The following MRAP variants were observed in gnomAD, a reference collection of about 807,000 sequenced individuals.
MRAP encodes the protein melanocortin-2 receptor accessory protein.
Under a neutral mutation model 8.7 loss-of-function variants are expected in MRAP, and 8 were observed. The ratio of observed to expected loss-of-function variants is 0.92; its 90% CI spans 0.54 to 1.66. MRAP has a LOEUF of 1.66. Ranked by LOEUF, MRAP falls within the 40% of genes most tolerant of loss-of-function variation. MRAP has a pLI of 0.00. For missense variants in MRAP, 237 were observed against 217.1 expected (o/e 1.09, Z -0.58); for synonymous variants, 95 against 95.5 (o/e 1.00, Z 0.03).
chr21:32,293,429 T>C (rs7280719), intron 2 of MRAP, among the ~76,000 whole-genome samples: 1,930 of 152,266 alleles, frequency 0.013, 35 homozygotes, highest in African/African-American at 0.042. Context: ...CATAGCACAC[T>C]AATGCACCCA....
intron 1 of MRAP, chr21:32,291,938 G>A (rs2032056906): frequency 2.0e-5 from 3 of 152,096 alleles, no homozygotes; most frequent in African/African-American, 7.2e-5. Context: ...AAGAGAGAGA[G>A]TAAGAATAGG....
Position 32,298,940 on chromosome 21 carries a change from G to A in MRAP, c.-32G>A, listed in dbSNP as rs554216090. 36 of 1,549,706 alleles carry A rather than the reference G, an allele frequency of 2.3e-5. 1 individual carries two copies. The highest frequency in any genetic ancestry group is 6.7e-5 in the South Asian group (6 of 89,516). ...GCGCCTGGCTCGAGGCGAGGCTGCC[G>A]GCCCGGACGCTGACTGCCCAGTGCC... On this transcript the variant is annotated 5_prime_UTR_variant, in exon 1 of 3. Transcript: ENST00000303645.
upstream of MRAP, chr21:32,298,754 G>A (rs2032188496): frequency 7.8e-6 from 4 of 514,898 alleles, no homozygotes; most frequent in South Asian, 3.9e-5. Flanking sequence ...AGGGGCAGAT[G>A]GGAAGCTCTG....
Position 32,298,979 on chromosome 21 carries a change from A to G in MRAP, c.8A>G (p.Asn3Ser). 1.2e-6 allele frequency: 2 copies of G among 1,613,876 alleles called. No homozygotes were observed. The highest frequency in any genetic ancestry group is 1.7e-6 in the Non-Finnish European group (2 of 1,179,746). The change falls in exon 1 of 3, where the codon AAC becomes AGC. Residue 3 changes from asparagine (N) to serine (S), a missense_variant. Physicochemically the swap from Asn to Ser is conservative, Grantham distance 46 (BLOSUM62 1). Transcript: ENST00000303645. ...CTGCCCAGTGCCACAGACATGGCCAACGGGACCAACGCCTCTGCCCCATAC... is the reference window on the plus strand; with the variant it reads ...CTGCCCAGTGCCACAGACATGGCCAGCGGGACCAACGCCTCTGCCCCATAC... MA[N>S]GTNASAPYYS...
intron 1 of MRAP, among the ~76,000 whole-genome samples, chr21:32,301,297 C>T (rs2032294209): frequency 6.6e-6 from 1 of 152,132 alleles, no homozygotes; most frequent in Non-Finnish European, 1.5e-5. Flanking sequence ...TGTGCTTATG[C>T]TCTGATGTGT....
intron 2 of MRAP, 140 bp downstream of exon 2, chr21:32,306,879 C>G (rs1601105504): frequency 1.3e-6 from 1 of 747,320 alleles, no homozygotes; most frequent in Non-Finnish European, 2.4e-6. Context: ...TGCATTGTAC[C>G]TACCAGCTGA....
intron 1 of MRAP, among the ~76,000 whole-genome samples, chr21:32,301,916 T>TAGATTA (rs1298282269): frequency 6.6e-6 from 1 of 152,196 alleles, no homozygotes; most frequent in African/African-American, 2.4e-5. Flanking sequence ...ATTCAAAGTA[T>TAGATTA]AGATTAAACA....
intron 2 of MRAP, among the ~76,000 whole-genome samples, chr21:32,308,909 G>A (rs1162342935): frequency 6.6e-6 from 1 of 152,194 alleles, no homozygotes; most frequent in African/African-American, 2.4e-5. Context: ...CTGGTCAGCA[G>A]AGAGATGAGC....
Position 32,312,274 on chromosome 21 carries a change from G to A in MRAP, c.*278G>A. ...GGAAGAGTAGGAAAATAAAATATAT[G>A]CAAATCAAGAGGAAAAGCTGTTTGC... On this transcript the variant is annotated 3_prime_UTR_variant, in exon 3 of 3. Coordinates refer to ENST00000303645, the MANE Select transcript of MRAP (RefSeq NM_001379228.1). 7.3e-7 allele frequency: 1 copy of A among 1,379,168 alleles called. No individual in the cohort carries two copies. The highest frequency in any genetic ancestry group is 9.4e-7 in the Non-Finnish European group (1 of 1,064,600). 85.4% of individuals were successfully genotyped at this position (1,379,168 alleles called of 1,614,324 possible).
downstream of MRAP, chr21:32,313,865 A>G (rs2032634475): frequency 6.6e-6 from 1 of 152,252 alleles, no homozygotes; most frequent in Non-Finnish European, 1.5e-5. Context: ...ATGACCATTA[A>G]GAGTAAAATT....
chr21:32,301,362 A>G (rs1454415989), intron 1 of MRAP, among the ~76,000 whole-genome samples: 1 of 152,170 alleles, frequency 6.6e-6, no homozygotes, highest in Non-Finnish European at 1.5e-5. Flanking sequence ...TGAGTGAGTT[A>G]TTAGGAAATC....
downstream of MRAP, chr21:32,312,374 G>C: frequency 8.8e-7 from 1 of 1,136,244 alleles, no homozygotes. Flanking sequence ...TGGTCCTTCT[G>C]TACCTTTGTT....
At position 32,299,049 on chromosome 21, in the gene MRAP, G is replaced by T. The variant is rs1194459926; in HGVS notation, c.78G>T (p.Val26=). The T allele has an allele frequency of 1.2e-6, 2 of 1,614,120 alleles. No homozygotes were observed. Among genetic ancestry groups the T allele is most frequent in the South Asian group, 1.1e-5 (1 of 91,090 alleles). The change falls in exon 1 of 3, where the codon GTG becomes GTT. Residue 26 remains valine, a synonymous_variant. Transcript: ENST00000303645. ...TGGACTATCTGGACCTCATTCCCGT[G>T]GACGAGAAGAAGCTGAAAGCCCACA... ...YYLDYLDLIP[V]DEKKLKAHKH...
In MRAP at chr21:32,311,906, C is replaced by T. The variant is rs769078228; in HGVS notation, c.429C>T (p.Leu143=). 14 of 1,613,814 alleles carry T rather than the reference C, an allele frequency of 8.7e-6. No homozygotes were observed. In the East Asian group the frequency reaches 3.1e-4, roughly 36 times the overall value. The change falls in exon 3 of 3, where the codon CTC becomes CTT. Residue 143 remains leucine (L), a synonymous_variant. Transcript: ENST00000303645. Reference sequence around the variant, plus strand: ...GTTTCCAGACCCACCCCACTCTCCTCTGGGAACTGACCCTCAATGGGGGTC... The same window carrying T: ...GTTTCCAGACCCACCCCACTCTCCTTTGGGAACTGACCCTCAATGGGGGTC... ...LGGFQTHPTL[L]WELTLNGGPL...
chr21:32,297,079 T>C (rs1211709098), upstream of MRAP, among the ~76,000 whole-genome samples: 1 of 152,232 alleles, frequency 6.6e-6, no homozygotes, highest in Non-Finnish European at 1.5e-5. Context: ...GCATTATTAG[T>C]CAGCATTTGA....
At chr21:32,313,327 G>A (rs2032623806), downstream of MRAP, 1 of 152,238 alleles carries the variant, frequency 6.6e-6, no homozygotes, top group Non-Finnish European at 1.5e-5. Flanking sequence ...ATAACCAAAG[G>A]AATCCCCAAA....
intron 1 of MRAP, among the ~76,000 whole-genome samples, chr21:32,300,374 T>C (rs1280042667): frequency 1.4e-5 from 2 of 147,034 alleles, no homozygotes; most frequent in Non-Finnish European, 3.0e-5. Context: ...TCACACATCC[T>C]ATGTCAGGGG....
rs2032426828 is a variant in MRAP at position 32,306,696 on chromosome 21, C to G, written c.163C>G (p.Leu55Val). 1.2e-6 allele frequency: 2 copies of G among 1,614,170 alleles called. No homozygotes were observed. The highest frequency in any genetic ancestry group is 4.5e-5 in the East Asian group (2 of 44,872). Residue 55 changes from leucine to valine, a missense_variant, in exon 2 of 3, where the codon CTC becomes GTC. Coordinates refer to ENST00000303645, the MANE Select transcript of MRAP (RefSeq NM_001379228.1). ...SLAAFVVLLF[L>V]ILLYMSWSAS... ...GGCTGCCTTCGTGGTGCTGCTCTTC[C>G]TCATCTTGCTCTACATGTCCTGGTC...
chr21:32,300,704 C>CCT (rs1393233936), intron 1 of MRAP, among the ~76,000 whole-genome samples: 30 of 149,622 alleles, frequency 2.0e-4, no homozygotes, highest in East Asian at 9.9e-4. Flanking sequence ...TCAGGGGCGT[C>CCT]ATGCGTCCTA....
Sources: allele counts gnomAD v4.1 joint callset (sites outside exome capture counted in the v4.1 genomes callset), GRCh38; gene constraint gnomAD v4.1.1; transcripts MANE v1.5; gene names NCBI Gene and HGNC (gene_info 2026-07-23, HGNC 2026-07-21).